FRMD5: variants seen among roughly 807,000 people sequenced by gnomAD.
The protein encoded by FRMD5 is FERM domain-containing protein 5.
FRMD5 carries 20 observed loss-of-function variants against 69.0 expected under a neutral mutation model. The ratio of observed to expected loss-of-function variants is 0.29; its 90% CI spans 0.20 to 0.42. FRMD5 has a LOEUF of 0.42. Ranked by LOEUF, FRMD5 falls within the 10% of genes least tolerant of loss-of-function variation. FRMD5 has a pLI of 1.00. For synonymous variants in FRMD5, 271 were observed against 260.1 expected (o/e 1.04, Z -0.40); for missense variants, 595 against 708.6 (o/e 0.84, Z 1.82).
intron 7 of FRMD5, among the ~76,000 whole-genome samples, chr15:43,894,499 TGA>T (rs923490482): frequency 3.3e-5 from 5 of 150,936 alleles, no homozygotes; most frequent in African/African-American, 9.8e-5. Flanking sequence ...TGCGTAAAAA[TGA>T]GAGGGGAGGC....
intron 1 of FRMD5, among the ~76,000 whole-genome samples, chr15:44,124,239 C>T (rs1034108941): frequency 4.0e-5 from 6 of 151,770 alleles, no homozygotes; most frequent in Non-Finnish European, 7.4e-5. Context: ...GTGATCTGCC[C>T]GCCTCGGCCT....
chr15:43,874,148 GAC>G lies in FRMD5; in HGVS notation c.1448_1449del (p.Cys483SerfsTer13). ...TCCTCCTCGGGCCCGCTGTGCCCCTGACACAGGGCCCTCAGCTCTCCCCCAAG... is the reference window on the plus strand; with the variant it reads ...TCCTCCTCGGGCCCGCTGTGCCCCTGACAGGGCCCTCAGCTCTCCCCCAAG... ...EALGGELRAL[C>X]QGHSGPEEEQ... On this transcript the variant is annotated frameshift_variant, in exon 14 of 14. Coordinates refer to ENST00000417257, the MANE Select transcript of FRMD5 (RefSeq NM_032892.5). LOFTEE classifies it high-confidence loss of function. 6.2e-7 allele frequency: 1 copy of G among 1,614,216 alleles called. No homozygotes were observed. Among genetic ancestry groups the G allele is most frequent in the Non-Finnish European group, 8.5e-7 (1 of 1,180,040 alleles).
chr15:44,051,861 GT>G (rs1432797293), intron 1 of FRMD5, among the ~76,000 whole-genome samples: 1 of 152,116 alleles, frequency 6.6e-6, no homozygotes, highest in East Asian at 1.9e-4. Flanking sequence ...CAGAGATAAA[GT>G]GCCATTTTTA....
chr15:44,119,197 A>C (rs2706474), intron 1 of FRMD5, among the ~76,000 whole-genome samples: 125,970 of 152,090 alleles, frequency 0.83, 54,824 homozygotes, highest in Non-Finnish European at 0.95. Flanking sequence ...TGGGCTCAAG[A>C]AATCCTCCCA....
intron 1 of FRMD5, among the ~76,000 whole-genome samples, chr15:44,030,821 G>A (rs1891646315): frequency 6.6e-6 from 1 of 152,126 alleles, no homozygotes; most frequent in South Asian, 2.1e-4. Flanking sequence ...GGAAGAAGAG[G>A]GAAGTGCTGG....
chr15:43,916,295 C>T (rs914715844), intron 4 of FRMD5, among the ~76,000 whole-genome samples: 1 of 152,184 alleles, frequency 6.6e-6, no homozygotes, highest in Non-Finnish European at 1.5e-5. Context: ...TCTCAGGAAA[C>T]AGAAGTTAGC....
chr15:44,147,837 C>T (rs918339370), intron 1 of FRMD5, among the ~76,000 whole-genome samples: 4 of 152,142 alleles, frequency 2.6e-5, no homozygotes, highest in African/African-American at 9.7e-5. Context: ...GCCCATTCCC[C>T]ACCCCCAGCC....
At chr15:44,141,589 A>G (rs74460067) in intron 1 of FRMD5, among the ~76,000 whole-genome samples, 4 of 152,224 alleles carry the variant, frequency 2.6e-5, no homozygotes, top group African/African-American at 9.6e-5. Flanking sequence ...GCAAAACTGC[A>G]GGACATTCCA....
rs544255773 is a variant in FRMD5, at chr15:44,121,017, G to T, written c.102+73936C>A. ...AGTGGTAGTGGAAATTGAGGCCACA[G>T]GTAAAATCAATCAGAAAGAAAACAC... is the stretch of plus-strand genomic sequence containing the variant. On this transcript the variant is annotated intron_variant, in intron 1 of 13. Transcript: ENST00000417257. Among the ~76,000 whole-genome samples, 14 of 151,908 alleles carry T rather than the reference G, an allele frequency of 9.2e-5. No homozygotes were observed. In the South Asian group the frequency reaches 2.9e-3, roughly 32 times the overall value.
intron 1 of FRMD5, among the ~76,000 whole-genome samples, chr15:43,985,715 T>C (rs1297134453): frequency 1.3e-5 from 2 of 152,100 alleles, no homozygotes; most frequent in Non-Finnish European, 2.9e-5. Flanking sequence ...AATGGAGAAA[T>C]GTCTATTTAA....
chr15:43,890,258 G>T (rs115360198), intron 8 of FRMD5, among the ~76,000 whole-genome samples: 2,311 of 152,322 alleles, frequency 0.015, 61 homozygotes, highest in African/African-American at 0.054. Flanking sequence ...TTTTGAGAGT[G>T]AGATTGGGTT....
intron 1 of FRMD5, among the ~76,000 whole-genome samples, chr15:43,944,529 A>T (rs1024529028): frequency 1.3e-5 from 2 of 151,664 alleles, no homozygotes; most frequent in Non-Finnish European, 2.9e-5. Context: ...TCCCGGGTTC[A>T]AGTGATTCTC....
At chr15:43,905,358 A>G (rs972815616) in intron 6 of FRMD5, among the ~76,000 whole-genome samples, 1 of 151,914 alleles carries the variant, frequency 6.6e-6, no homozygotes, top group East Asian at 1.9e-4. Context: ...GCTGGTCTTG[A>G]ACTCCTGGCC....
chr15:44,148,658 T>C (rs1215092903), intron 1 of FRMD5, among the ~76,000 whole-genome samples: 1 of 152,076 alleles, frequency 6.6e-6, no homozygotes, highest in African/African-American at 2.4e-5. Context: ...CTGTACTTTG[T>C]GTCTCTGTGT....
At chr15:43,972,313 A>G (rs2090393276) in intron 1 of FRMD5, among the ~76,000 whole-genome samples, 1 of 151,968 alleles carries the variant, frequency 6.6e-6, no homozygotes. Flanking sequence ...GCATCAATAT[A>G]TTAAAAAGCA....
At chr15:44,184,405 A>G (rs576882008) in intron 1 of FRMD5, among the ~76,000 whole-genome samples, 15 of 152,370 alleles carry the variant, frequency 9.8e-5, no homozygotes, top group African/African-American at 3.4e-4. Context: ...ATTTTATACA[A>G]TACAGATTTC....
At chr15:43,875,255 G>C (rs1048216372) in intron 13 of FRMD5, among the ~76,000 whole-genome samples, 3 of 151,176 alleles carry the variant, frequency 2.0e-5, no homozygotes, top group South Asian at 2.1e-4. Context: ...TACTTTGTAG[G>C]GGGGCAGATT....
chr15:44,164,094 C>G (rs1315711676), intron 1 of FRMD5, among the ~76,000 whole-genome samples: 1 of 152,188 alleles, frequency 6.6e-6, no homozygotes, highest in Non-Finnish European at 1.5e-5. Context: ...CAATCCTCAT[C>G]TGTTCTTTCC....
chr15:44,120,169 T>C (rs2076926718), intron 1 of FRMD5, among the ~76,000 whole-genome samples: 1 of 152,062 alleles, frequency 6.6e-6, no homozygotes. Context: ...CTGACAATAA[T>C]GGAACATTAA....
Sources: gnomAD v4.1 joint callset for allele counts (sites outside exome capture counted in the v4.1 genomes callset) on GRCh38, gnomAD v4.1.1 for gene constraint, MANE v1.5 for transcripts, NCBI Gene and HGNC (gene_info 2026-07-23, HGNC 2026-07-21) for gene names.